SNTG1: variants seen among roughly 807,000 people sequenced by gnomAD.
SNTG1 encodes gamma-1-syntrophin.
SNTG1 carries 39 observed loss-of-function variants against 74.7 expected under a neutral mutation model. The observed-to-expected ratio is 0.52, with a 90% CI of 0.40 to 0.68. The LOEUF (loss-of-function observed/expected upper bound fraction) is 0.68, where lower values mean the gene tolerates loss of function less well. Among genes scored for constraint, SNTG1 ranks in the 30% least tolerant of loss-of-function variants. The pLI is 0.00. For synonymous variants in SNTG1, 254 were observed against 217.1 expected, an observed-to-expected ratio of 1.17 and a Z score of -1.49; for missense variants, 685 against 609.5, an observed-to-expected ratio of 1.12 and a Z score of -1.30.
At chr8:50,776,004 C>A (rs2095639710) in intron 18 of SNTG1, among the ~76,000 whole-genome samples, 2 of 151,452 alleles carry the variant, frequency 1.3e-5, no homozygotes, top group South Asian at 4.2e-4. Context: ...TTAAAGTGAG[C>A]TTGTAGATAG....
intron 1 of SNTG1, among the ~76,000 whole-genome samples, chr8:50,010,452 C>T (rs1165407345): frequency 6.6e-6 from 1 of 151,962 alleles, no homozygotes; most frequent in South Asian, 2.1e-4. Context: ...TTTTCATTCA[C>T]TAATGTTTAG....
At chr8:50,440,866 G>A (rs1429975930) in intron 5 of SNTG1, among the ~76,000 whole-genome samples, 1 of 151,992 alleles carries the variant, frequency 6.6e-6, no homozygotes, top group African/African-American at 2.4e-5. Context: ...CAGAACACAT[G>A]GTATTTTAGT....
chr8:50,669,416 T>C (rs569282824), intron 15 of SNTG1, among the ~76,000 whole-genome samples: 2 of 152,230 alleles, frequency 1.3e-5, no homozygotes, highest in South Asian at 4.1e-4. Flanking sequence ...CAAACAACTC[T>C]ATGCAAATAA....
chr8:50,487,984 T>C (rs909107688), intron 8 of SNTG1, among the ~76,000 whole-genome samples: 1 of 152,200 alleles, frequency 6.6e-6, no homozygotes, highest in Admixed American at 6.5e-5. Flanking sequence ...ATTTAAACTA[T>C]GCTTCTGGAT....
intron 2 of SNTG1, among the ~76,000 whole-genome samples, chr8:50,198,585 G>A (rs1438819452): frequency 6.6e-6 from 1 of 152,140 alleles, no homozygotes; most frequent in Non-Finnish European, 1.5e-5. Context: ...TCATAATAGG[G>A]AAGGAGGCAG....
intron 1 of SNTG1, among the ~76,000 whole-genome samples, chr8:50,041,207 G>A (rs1002378229): frequency 6.6e-6 from 1 of 152,002 alleles, no homozygotes; most frequent in Non-Finnish European, 1.5e-5. Context: ...AGGAGCATTT[G>A]TAGTTAAAAT....
At chr8:50,509,770 T>A (rs531618662) in intron 9 of SNTG1, among the ~76,000 whole-genome samples, 1 of 152,262 alleles carries the variant, frequency 6.6e-6, no homozygotes, top group Non-Finnish European at 1.5e-5. Flanking sequence ...TGATTTTGTA[T>A]CCTGAGACTT....
At chr8:49,938,882 C>A (rs114964262) in intron 1 of SNTG1, among the ~76,000 whole-genome samples, 4 of 151,366 alleles carry the variant, frequency 2.6e-5, no homozygotes, top group African/African-American at 9.7e-5. Context: ...GAAATCTCAC[C>A]ATGTTGTTTC....
chr8:50,631,159 G>A (rs759314650), intron 13 of SNTG1, among the ~76,000 whole-genome samples: 10 of 152,178 alleles, frequency 6.6e-5, no homozygotes, highest in African/African-American at 1.9e-4. Flanking sequence ...CTTATGGTAT[G>A]TAAAAAGAAA....
At chr8:50,592,092 T>C (rs1346216195) in intron 13 of SNTG1, among the ~76,000 whole-genome samples, 2 of 152,124 alleles carry the variant, frequency 1.3e-5, no homozygotes, top group Non-Finnish European at 2.9e-5. Context: ...ATAAGTGTAG[T>C]TCAAGATAGG....
chr8:50,333,909 A>G (rs1388791915), intron 2 of SNTG1, among the ~76,000 whole-genome samples: 1 of 152,234 alleles, frequency 6.6e-6, no homozygotes, highest in Admixed American at 6.5e-5. Context: ...TTAAAGTGCC[A>G]CATGGATGCA....
rs2084381081 is a variant in SNTG1 at position 50,208,992 on chromosome 8, CT to C, written c.-28+36358del. Among the ~76,000 whole-genome samples, 13 of 152,254 alleles carry C rather than the reference CT, an allele frequency of 8.5e-5. No individual in the cohort carries two copies. The South Asian group carries it at 2.7e-3, about 32-fold the overall frequency. On this transcript the variant is annotated intron_variant, in intron 2 of 18. Coordinates refer to ENST00000642720, the MANE Select transcript of SNTG1 (RefSeq NM_018967.5). ...AATTCCCTTTCCTAGCCAAGGGAAG[CT>C]GTGACAGATGGTGCCTGGAAAATCG... is the stretch of plus-strand genomic sequence containing the variant.
At chr8:49,909,972 C>T (rs1805499522), upstream of SNTG1, 1 of 152,288 alleles carries the variant, frequency 6.6e-6, no homozygotes, top group Non-Finnish European at 1.5e-5. Flanking sequence ...CGTTTCTCCT[C>T]CAGGGAGCCC....
intron 1 of SNTG1, among the ~76,000 whole-genome samples, chr8:50,113,513 A>G (rs1302381090): frequency 6.6e-6 from 1 of 152,150 alleles, no homozygotes; most frequent in Non-Finnish European, 1.5e-5. Context: ...TAGATATACA[A>G]TCATGTCATC....
chr8:50,733,647 T>C (rs2095518483), intron 17 of SNTG1, among the ~76,000 whole-genome samples: 1 of 152,030 alleles, frequency 6.6e-6, no homozygotes, highest in Non-Finnish European at 1.5e-5. Context: ...TGGTATCTCA[T>C]TGTGGTTTTG....
In SNTG1 at chr8:49,997,327, C is replaced by T. The variant is rs550944008; in HGVS notation, c.-103+85096C>T. 1.6e-4 allele frequency among the ~76,000 whole-genome samples: 25 copies of T among 152,174 alleles called. No individual in the cohort carries two copies. The East Asian group carries it at 4.4e-3, about 27-fold the overall frequency. On this transcript the variant is annotated intron_variant, in intron 1 of 18. Coordinates refer to ENST00000642720, the MANE Select transcript of SNTG1 (RefSeq NM_018967.5). The stretch of plus-strand genomic sequence containing the variant: ...TTCCTTTTTCTATTATATCTTTAGT[C>T]CCCATGCCTTCATAGATTATTCCCA...
At chr8:50,766,870 C>G (rs750882754) in intron 18 of SNTG1, among the ~76,000 whole-genome samples, 16 of 151,754 alleles carry the variant, frequency 1.1e-4, no homozygotes, top group Non-Finnish European at 2.4e-4. Flanking sequence ...TTTAAAATCA[C>G]CATCTTGATA....
intron 13 of SNTG1, among the ~76,000 whole-genome samples, chr8:50,642,256 A>G (rs1488061852): frequency 6.6e-6 from 1 of 152,162 alleles, no homozygotes; most frequent in Non-Finnish European, 1.5e-5. Context: ...CCCTGCTGCC[A>G]ATGTTTCAAG....
At chr8:50,652,115 A>G (rs570263826) in intron 13 of SNTG1, among the ~76,000 whole-genome samples, 10 of 152,186 alleles carry the variant, frequency 6.6e-5, no homozygotes, top group African/African-American at 2.4e-4. Flanking sequence ...AATCTTTTGG[A>G]GGGGGATATT....
Sources: allele counts gnomAD v4.1 joint callset (sites outside exome capture counted in the v4.1 genomes callset), GRCh38; gene constraint gnomAD v4.1.1; transcripts MANE v1.5; gene names NCBI Gene and HGNC (gene_info 2026-07-23, HGNC 2026-07-21).